Variants in LMO7 observed in about 807,000 individuals in gnomAD.
LMO7 encodes LIM domain 7, also known as LIM domain only protein 7.
LMO7 carries 120 observed loss-of-function variants against 206.5 expected under a neutral mutation model. The observed-to-expected ratio is 0.58, with a 90% CI of 0.50 to 0.68. The LOEUF (loss-of-function observed/expected upper bound fraction) is 0.68, where lower values mean the gene tolerates loss of function less well. Ranked by LOEUF, LMO7 falls within the 30% of genes least tolerant of loss-of-function variation. The pLI is 0.00. For synonymous variants in LMO7, 706 were observed against 681.5 expected (o/e 1.04, Z -0.56); for missense variants, 1,959 against 1,957.9 (o/e 1.00, Z -0.01).
chr13:75,704,504 G>T (rs2042513259), intron 1 of LMO7, among the ~76,000 whole-genome samples: 1 of 152,142 alleles, frequency 6.6e-6, no homozygotes, highest in African/African-American at 2.4e-5. Flanking sequence ...CCTCTCCCCA[G>T]CTTTGAATAC....
intron 1 of LMO7, among the ~76,000 whole-genome samples, chr13:75,664,385 G>A (rs2139304300): frequency 6.6e-6 from 1 of 152,228 alleles, no homozygotes; most frequent in African/African-American, 2.4e-5. Context: ...TGGCTGAATA[G>A]TACTCCATTG....
rs530338631 is a variant in LMO7, at chr13:75,695,176, T to C, written c.70-18006T>C. On this transcript the variant is annotated intron_variant, in intron 1 of 30. Coordinates refer to ENST00000377534, the MANE Select transcript of LMO7 (RefSeq NM_001306080.2). ...GGCAGAATCCATGTATAACCTATACTCATAAGCCTCAGAGAACCCAGCTTC... is the reference window on the plus strand; with the variant it reads ...GGCAGAATCCATGTATAACCTATACCCATAAGCCTCAGAGAACCCAGCTTC... 5.3e-5 allele frequency among the ~76,000 whole-genome samples: 8 copies of C among 152,348 alleles called. No individual in the cohort carries two copies. In the South Asian group the frequency reaches 1.7e-3, roughly 32 times the overall value.
At chr13:75,751,582 G>A (rs756266046) in intron 3 of LMO7, among the ~76,000 whole-genome samples, 6 of 152,164 alleles carry the variant, frequency 3.9e-5, no homozygotes, top group East Asian at 1.9e-4. Context: ...AGGTGGTGTC[G>A]TTCTGGGAGC....
chr13:75,677,320 C>T (rs1040008414), intron 1 of LMO7, among the ~76,000 whole-genome samples: 5 of 152,148 alleles, frequency 3.3e-5, no homozygotes, highest in Non-Finnish European at 7.4e-5. Context: ...TTAATTCTTA[C>T]TGATATCTAT....
chr13:75,828,973 A>G (rs1199867359), intron 15 of LMO7, among the ~76,000 whole-genome samples: 2 of 152,194 alleles, frequency 1.3e-5, no homozygotes, highest in Non-Finnish European at 2.9e-5. Flanking sequence ...CAGTGTTTCT[A>G]ACGTGGGCAC....
chr13:75,806,161 C>T, intron 9 of LMO7: 1 of 998,116 alleles, frequency 1.0e-6, no homozygotes, highest in Non-Finnish European at 1.2e-6. Flanking sequence ...CGGCAACTGC[C>T]AAAGACCTTC....
At chr13:75,685,204 A>G (rs1032720203) in intron 1 of LMO7, among the ~76,000 whole-genome samples, 1 of 152,118 alleles carries the variant, frequency 6.6e-6, no homozygotes, top group Non-Finnish European at 1.5e-5. Flanking sequence ...ATTTGCTTTG[A>G]TTTCATTTTG....
At chr13:75,636,302 G>T, upstream of LMO7, 1 of 1,081,924 alleles carries the variant, frequency 9.2e-7, no homozygotes, top group Admixed American at 5.7e-5. Flanking sequence ...CGGGGAGGAC[G>T]GCGGCGGCGC....
chr13:75,771,200 C>G (rs1349900531), intron 4 of LMO7, among the ~76,000 whole-genome samples: 1 of 151,970 alleles, frequency 6.6e-6, no homozygotes, highest in African/African-American at 2.4e-5. Flanking sequence ...CATCAAGTCT[C>G]AGATCATTTA....
chr13:75,650,249 C>A (rs1566274446), intron 1 of LMO7, among the ~76,000 whole-genome samples: 2 of 152,142 alleles, frequency 1.3e-5, no homozygotes, highest in Non-Finnish European at 2.9e-5. Flanking sequence ...CCTGCCTCAG[C>A]CTCCTGAGTA....
intron 11 of LMO7, among the ~76,000 whole-genome samples, chr13:75,809,753 A>G (rs1391635403): frequency 3.3e-5 from 5 of 151,878 alleles, no homozygotes; most frequent in Non-Finnish European, 5.9e-5. Context: ...ACATGGCTAT[A>G]TTTATAGTGC....
chr13:75,840,182 T>C lies in LMO7; in HGVS notation c.3477+72T>C, dbSNP rs529133062. 6.9e-5 allele frequency: 101 copies of C among 1,461,188 alleles called. 1 individual carries two copies. In the South Asian group the frequency reaches 1.1e-3, roughly 16 times the overall value. 90.5% of individuals were successfully genotyped at this position (1,461,188 alleles called of 1,614,324 possible). A position where few individuals can be genotyped will look rare whatever the true frequency, so the allele number is the denominator to read the frequency against. ...ACTGAATTAGTACACCGTAGCATGC[T>C]TACCATGATTTTAGGTTGCATAAGA... On this transcript the variant is annotated intron_variant, in intron 21 of 30. Coordinates refer to ENST00000377534, the MANE Select transcript of LMO7 (RefSeq NM_001306080.2).
At chr13:75,736,061 A>G (rs1006849417) in intron 3 of LMO7, among the ~76,000 whole-genome samples, 10 of 152,030 alleles carry the variant, frequency 6.6e-5, no homozygotes, top group Non-Finnish European at 5.9e-5. Context: ...GTTTTATTCA[A>G]TTTTCTGATC....
intron 3 of LMO7, among the ~76,000 whole-genome samples, chr13:75,739,643 A>G (rs2046257846): frequency 6.6e-6 from 1 of 152,136 alleles, no homozygotes; most frequent in Non-Finnish European, 1.5e-5. Context: ...TCTCCTACAC[A>G]CTTCCCCTCA....
At chr13:75,790,094 C>T (rs915433654) in intron 4 of LMO7, among the ~76,000 whole-genome samples, 11 of 152,112 alleles carry the variant, frequency 7.2e-5, no homozygotes, top group Admixed American at 1.3e-4. Flanking sequence ...TTCTTTAAAG[C>T]CTTCCATGGC....
intron 3 of LMO7, chr13:75,760,684 G>A (rs975585906): frequency 3.2e-5 from 48 of 1,520,854 alleles, no homozygotes; most frequent in Non-Finnish European, 4.2e-5. Flanking sequence ...TAACGTGCCA[G>A]TCACAAAGAT....
intron 1 of LMO7, among the ~76,000 whole-genome samples, chr13:75,651,979 C>T (rs976606846): frequency 6.6e-6 from 1 of 152,152 alleles, no homozygotes; most frequent in Non-Finnish European, 1.5e-5. Flanking sequence ...GTCACTGCCT[C>T]CAACAATATG....
chr13:75,659,545 T>C (rs1452930830), intron 1 of LMO7, among the ~76,000 whole-genome samples: 1 of 151,858 alleles, frequency 6.6e-6, no homozygotes, highest in Non-Finnish European at 1.5e-5. Context: ...GAAGCAAAAG[T>C]GGAAACCCCT....
intron 4 of LMO7, among the ~76,000 whole-genome samples, chr13:75,766,098 G>A (rs566094972): frequency 6.6e-6 from 1 of 152,242 alleles, no homozygotes; most frequent in Admixed American, 6.5e-5. Context: ...TTTACAACAA[G>A]GACATTTGAA....
Sources: allele counts gnomAD v4.1 joint callset (sites outside exome capture counted in the v4.1 genomes callset), GRCh38; gene constraint gnomAD v4.1.1; transcripts MANE v1.5; gene names NCBI Gene and HGNC (gene_info 2026-07-23, HGNC 2026-07-21).